The following IRAK4 variants were observed in gnomAD, a reference collection of about 807,000 sequenced individuals.
IRAK4 encodes the protein interleukin-1 receptor-associated kinase 4.
Under a neutral mutation model 51.8 loss-of-function variants are expected in IRAK4, and 44 were observed. That is an observed-to-expected ratio of 0.85 (90% CI 0.67 to 1.09). The LOEUF is 1.09. Among genes scored for constraint, IRAK4 ranks in the 50% least tolerant of loss-of-function variants. The pLI is 0.00. For missense variants in IRAK4, 487 were observed against 538.0 expected (o/e 0.91, Z 0.94); for synonymous variants, 149 against 174.1 (o/e 0.86, Z 1.13).
chr12:43,785,626 A>G (rs910325092), intron 10 of IRAK4, among the ~76,000 whole-genome samples: 43 of 144,652 alleles, frequency 3.0e-4, no homozygotes, highest in South Asian at 6.3e-4. Context: ...ATATGTGTGT[A>G]TATATATATA....
At chr12:43,763,656 G>A (rs1327882009) in intron 1 of IRAK4, among the ~76,000 whole-genome samples, 1 of 151,886 alleles carries the variant, frequency 6.6e-6, no homozygotes, top group Non-Finnish European at 1.5e-5. Flanking sequence ...TTTGAAAACT[G>A]CTACTCTCTT....
intron 8 of IRAK4, among the ~76,000 whole-genome samples, chr12:43,779,199 G>A (rs958968455): frequency 6.6e-6 from 1 of 152,108 alleles, no homozygotes; most frequent in Non-Finnish European, 1.5e-5. Context: ...GGAGTTCAAG[G>A]TTGAAGTGAG....
At chr12:43,777,565 C>T in intron 6 of IRAK4, 65 bp from the exon 7 acceptor site, 1 of 1,431,688 alleles carries the variant, frequency 7.0e-7, no homozygotes, top group South Asian at 1.4e-5. Context: ...CTTTGAATAA[C>T]TTCCAACCTA....
In IRAK4 at chr12:43,783,656, TC is replaced by T. The variant is rs1211271185; in HGVS notation, c.1126-5del. On this transcript the variant is annotated splice_region_variant and splice_polypyrimidine_tract_variant and intron_variant, in intron 9 of 11. Coordinates refer to ENST00000613694, the MANE Select transcript of IRAK4 (RefSeq NM_016123.4). ...ATTATATTAATGATTTTTTTTGTCT[TC>T]ATAGGTTTTACTAGAAATAATAACT... The T allele has an allele frequency of 6.3e-7, 1 of 1,584,934 alleles. No individual in the cohort carries two copies. Among genetic ancestry groups the T allele is most frequent in the South Asian group, 1.1e-5 (1 of 90,052 alleles).
chr12:43,771,043 G>A (rs1355996664), intron 2 of IRAK4, 177 bp from the exon 3 acceptor site: 1 of 699,948 alleles, frequency 1.4e-6, no homozygotes, highest in South Asian at 1.5e-5. Context: ...ATGAGATGAT[G>A]TAGCAAGAAG....
rs377584435 is a variant in IRAK4, at chr12:43,768,145, C to T, written c.34C>T (p.Arg12Cys). 14 of 1,613,452 alleles carry T rather than the reference C, an allele frequency of 8.7e-6. No homozygotes were observed. The highest frequency in any genetic ancestry group is 4.0e-5 in the African/African-American group (3 of 74,894). ...NKPITPSTYV[R>C]CLNVGLIRKL... ...ACCCATAACACCATCAACATATGTG[C>T]GCTGCCTCAATGTTGGACTAATTAG... The change falls in exon 2 of 12, where the codon CGC becomes TGC. Residue 12 changes from arginine (R) to cysteine (C), a missense_variant. Transcript: ENST00000613694.
intron 1 of IRAK4, among the ~76,000 whole-genome samples, chr12:43,765,534 C>T (rs1940037419): frequency 6.6e-6 from 1 of 151,768 alleles, no homozygotes; most frequent in South Asian, 2.1e-4. Context: ...GGTAGAGGTT[C>T]TTTTCAAACT....
chr12:43,776,904 T>G (rs1247190550), intron 6 of IRAK4, among the ~76,000 whole-genome samples: 1 of 152,266 alleles, frequency 6.6e-6, no homozygotes, highest in African/African-American at 2.4e-5. Context: ...TTCAAGATCA[T>G]GTCTGTAAAT....
At chr12:43,781,931 A>G (rs2138041877) in intron 8 of IRAK4, among the ~76,000 whole-genome samples, 1 of 152,338 alleles carries the variant, frequency 6.6e-6, no homozygotes, top group East Asian at 1.9e-4. Flanking sequence ...TAAGAAAGGA[A>G]TTAATAAAGG....
intron 1 of IRAK4, among the ~76,000 whole-genome samples, chr12:43,767,291 A>G (rs1483516809): frequency 1.3e-5 from 2 of 152,228 alleles, no homozygotes; most frequent in Non-Finnish European, 2.9e-5. Context: ...AGAGAAGACA[A>G]GTGGAAGGAT....
chr12:43,766,630 A>G (rs766765700), intron 1 of IRAK4, among the ~76,000 whole-genome samples: 2 of 152,170 alleles, frequency 1.3e-5, no homozygotes, highest in Non-Finnish European at 2.9e-5. Flanking sequence ...GGCATGAACA[A>G]TGCATTGTGT....
At chr12:43,778,714 C>T (rs1328572772) in intron 8 of IRAK4, among the ~76,000 whole-genome samples, 1 of 151,806 alleles carries the variant, frequency 6.6e-6, no homozygotes, top group Non-Finnish European at 1.5e-5. Flanking sequence ...ATATATAGAG[C>T]TCAACATCAA....
intron 8 of IRAK4, among the ~76,000 whole-genome samples, chr12:43,779,398 A>T (rs1407379769): frequency 1.3e-5 from 2 of 152,246 alleles, no homozygotes; most frequent in African/African-American, 4.8e-5. Flanking sequence ...TTTTAGTTTT[A>T]TCACAAGTGT....
chr12:43,784,321 A>G (rs1015209468), intron 10 of IRAK4, among the ~76,000 whole-genome samples: 5 of 152,180 alleles, frequency 3.3e-5, no homozygotes, highest in Non-Finnish European at 4.4e-5. Context: ...CAGGCAATCT[A>G]CTTTGCAGCG....
intron 1 of IRAK4, among the ~76,000 whole-genome samples, chr12:43,760,308 G>C (rs1159275571): frequency 6.6e-6 from 1 of 152,164 alleles, no homozygotes; most frequent in Admixed American, 6.5e-5. Context: ...CCTGCAGCAC[G>C]TCCCACCTGG....
chr12:43,761,044 G>C (rs1261008992), intron 1 of IRAK4: 1 of 152,066 alleles, frequency 6.6e-6, no homozygotes, highest in African/African-American at 2.4e-5. Context: ...TGTTGTGTTG[G>C]ATCAATGTTC....
intron 8 of IRAK4, among the ~76,000 whole-genome samples, chr12:43,779,864 GAT>G (rs1941622712): frequency 6.6e-6 from 1 of 152,186 alleles, no homozygotes; most frequent in African/African-American, 2.4e-5. Flanking sequence ...CTGAGCTGAA[GAT>G]ATAAATGTGT....
At chr12:43,783,095 G>A (rs1241611599) in intron 9 of IRAK4, among the ~76,000 whole-genome samples, 5 of 152,170 alleles carry the variant, frequency 3.3e-5, no homozygotes, top group Admixed American at 2.6e-4. Flanking sequence ...TGACTCTTTA[G>A]TAAGTTGCCA....
At chr12:43,772,038 C>T in intron 3 of IRAK4, 142 bp from the exon 4 acceptor site, 1 of 664,978 alleles carries the variant, frequency 1.5e-6, no homozygotes, top group Non-Finnish European at 2.6e-6. Flanking sequence ...TCTTACTAGG[C>T]AGCTTCTTGT....
Sources: gnomAD v4.1 joint callset for allele counts (sites outside exome capture counted in the v4.1 genomes callset) on GRCh38, gnomAD v4.1.1 for gene constraint, MANE v1.5 for transcripts, NCBI Gene and HGNC (gene_info 2026-07-23, HGNC 2026-07-21) for gene names.